Variants in SH3KBP1 observed in about 807,000 individuals in gnomAD.
SH3KBP1 encodes the protein SH3 domain-containing kinase-binding protein 1.
In SH3KBP1, 8 loss-of-function variants were observed where a neutral mutation model predicts 50.1. The observed-to-expected ratio is 0.16, with a 90% CI of 0.09 to 0.29. The LOEUF (loss-of-function observed/expected upper bound fraction) is 0.29, where lower values mean the gene tolerates loss of function less well. SH3KBP1 is among the 10% of genes least tolerant of loss of function. SH3KBP1 has a pLI of 1.00. For synonymous variants in SH3KBP1, 227 were observed against 218.6 expected, an observed-to-expected ratio of 1.04 and a Z score of -0.34; for missense variants, 377 against 535.2, an observed-to-expected ratio of 0.70 and a Z score of 2.92.
intron 11 of SH3KBP1, 104 bp from the exon 12 acceptor site, chrX:19,588,906 T>G (rs2066653783): frequency 1.4e-6 from 1 of 724,958 alleles, no homozygotes; most frequent in Non-Finnish European, 1.9e-6. Context: ...TTACTGATGC[T>G]ATTTCTGAAG....
intron 1 of SH3KBP1, among the ~76,000 whole-genome samples, chrX:19,845,926 T>C (rs1214182608): frequency 1.8e-5 from 2 of 111,949 alleles, no homozygotes; most frequent in East Asian, 5.7e-4. Context: ...TCTTATTTAG[T>C]TTTTAGAGCC....
intron 6 of SH3KBP1, among the ~76,000 whole-genome samples, chrX:19,668,935 A>AATATATATATATATATATATAT (rs56844238): frequency 2.7e-4 from 9 of 32,870 alleles, no homozygotes; most frequent in Non-Finnish European, 4.3e-4. Context: ...GATTGAGGGT[A>AATATATATATATATATATATAT]ATATATATAT....
chrX:19,784,003 T>C (rs1230882282), intron 2 of SH3KBP1, among the ~76,000 whole-genome samples: 3 of 112,153 alleles, frequency 2.7e-5, no homozygotes, highest in Admixed American at 9.5e-5. Flanking sequence ...CAGGCCATTA[T>C]GTTCCTCAAA....
chrX:19,800,094 A>G (rs1177256392), intron 2 of SH3KBP1, among the ~76,000 whole-genome samples: 2 of 111,515 alleles, frequency 1.8e-5, no homozygotes, highest in East Asian at 5.6e-4. Context: ...CCTCCAGAAG[A>G]GGACATGCAC....
At chrX:19,829,736 A>G (rs1247780960) in intron 2 of SH3KBP1, among the ~76,000 whole-genome samples, 1 of 105,708 alleles carries the variant, frequency 9.5e-6, no homozygotes, top group Non-Finnish European at 1.9e-5. Context: ...AAAAAAAAAA[A>G]GAAGAAGAAG....
At chrX:19,787,630 G>A (rs1031442547) in intron 2 of SH3KBP1, among the ~76,000 whole-genome samples, 1 of 111,990 alleles carries the variant, frequency 8.9e-6, no homozygotes, top group Non-Finnish European at 1.9e-5. Context: ...TAGCATCTGT[G>A]ATGGGGACAC....
At chrX:19,700,959 G>A (rs2063524480) in intron 4 of SH3KBP1, among the ~76,000 whole-genome samples, 1 of 112,050 alleles carries the variant, frequency 8.9e-6, no homozygotes, top group African/African-American at 3.2e-5. Flanking sequence ...CCCTCGAAGA[G>A]AAATCTGTAG....
chrX:19,777,113 T>TA (rs912753628), intron 2 of SH3KBP1, among the ~76,000 whole-genome samples: 12 of 111,225 alleles, frequency 1.1e-4, no homozygotes, highest in African/African-American at 3.9e-4. Context: ...CCTTTGAGGA[T>TA]AAAAAAGGTA....
intron 1 of SH3KBP1, among the ~76,000 whole-genome samples, chrX:19,856,649 C>A (rs1488321501): frequency 6.3e-5 from 7 of 110,910 alleles, no homozygotes; most frequent in African/African-American, 2.3e-4. Context: ...CTTCATTCTC[C>A]CCAACTTCCC....
chrX:19,844,064 T>G (rs970009064), intron 1 of SH3KBP1, among the ~76,000 whole-genome samples: 1 of 111,510 alleles, frequency 9.0e-6, no homozygotes, highest in Non-Finnish European at 1.9e-5. Flanking sequence ...GAGCCCACTT[T>G]CTTTGTGTTT....
In SH3KBP1 at chrX:19,887,355, C is replaced by A; in HGVS notation, c.-45G>T. 1 of 959,863 alleles carries A rather than the reference C, an allele frequency of 1.0e-6. No individual in the cohort carries two copies. Among genetic ancestry groups the A allele is most frequent in the Non-Finnish European group, 1.3e-6 (1 of 764,347 alleles). 79.1% of individuals were successfully genotyped at this position (959,863 alleles called of 1,213,427 possible). A position where few individuals can be genotyped will look rare whatever the true frequency, so the allele number is the denominator to read the frequency against. On this transcript the variant is annotated 5_prime_UTR_variant, in exon 1 of 18. Coordinates refer to ENST00000397821, the MANE Select transcript of SH3KBP1 (RefSeq NM_031892.3). ...GCCGCCGAGGCAGCGTGAAAGTTGGCGGAGGCGGGCGTGGGGGTTGGGGCG... is the reference window on the plus strand; with the variant it reads ...GCCGCCGAGGCAGCGTGAAAGTTGGAGGAGGCGGGCGTGGGGGTTGGGGCG...
intron 3 of SH3KBP1, among the ~76,000 whole-genome samples, chrX:19,718,933 C>T (rs1355918573): frequency 9.0e-6 from 1 of 111,677 alleles, no homozygotes; most frequent in Admixed American, 9.5e-5. Context: ...CACCACCAGC[C>T]TACACAGCCC....
intron 13 of SH3KBP1, among the ~76,000 whole-genome samples, chrX:19,553,042 G>A (rs780232125): frequency 9.0e-6 from 1 of 111,692 alleles, no homozygotes; most frequent in Non-Finnish European, 1.9e-5. Context: ...TGGAGCACTT[G>A]ACGAAAATGG....
chrX:19,672,096 C>T lies in SH3KBP1; in HGVS notation c.726+11727G>A, dbSNP rs952661731. Among the ~76,000 whole-genome samples, 3 of 112,283 alleles carry T rather than the reference C, an allele frequency of 2.7e-5. No homozygotes were observed. The Admixed American group carries it at 2.8e-4, about 11-fold the overall frequency. On this transcript the variant is annotated intron_variant, in intron 6 of 17. Transcript: ENST00000397821. ...CTCCTTGGGTAAATAAGACATAAAT[C>T]TGTTTACTTATCACACACACACACA... is the stretch of plus-strand genomic sequence containing the variant.
intron 1 of SH3KBP1, among the ~76,000 whole-genome samples, chrX:19,883,058 C>T (rs769483765): frequency 8.9e-6 from 1 of 112,274 alleles, no homozygotes; most frequent in South Asian, 3.7e-4. Flanking sequence ...CAGTGAACCA[C>T]GAGCTCCGGA....
chrX:19,781,550 C>G (rs770781618), intron 2 of SH3KBP1, among the ~76,000 whole-genome samples: 2 of 106,419 alleles, frequency 1.9e-5, no homozygotes, highest in African/African-American at 6.9e-5. Flanking sequence ...CCCAGGAGGT[C>G]GAGACTGCAG....
chrX:19,844,343 T>C (rs2068305940), intron 1 of SH3KBP1, among the ~76,000 whole-genome samples: 1 of 111,350 alleles, frequency 9.0e-6, no homozygotes, highest in African/African-American at 3.3e-5. Flanking sequence ...ACACCAGGAG[T>C]GTCCTTACAA....
chrX:19,563,623 G>A (rs2065748307), intron 13 of SH3KBP1, among the ~76,000 whole-genome samples: 1 of 112,225 alleles, frequency 8.9e-6, no homozygotes, highest in Non-Finnish European at 1.9e-5. Flanking sequence ...GTGCTTTTCA[G>A]CTACTCCTGA....
chrX:19,812,749 C>T (rs772413039), intron 2 of SH3KBP1, among the ~76,000 whole-genome samples: 2 of 109,676 alleles, frequency 1.8e-5, no homozygotes, highest in Admixed American at 9.7e-5. Flanking sequence ...ACAAGGTGGG[C>T]GGATCACCTG....
Sources: gnomAD v4.1 joint callset for allele counts (sites outside exome capture counted in the v4.1 genomes callset) on GRCh38, gnomAD v4.1.1 for gene constraint, MANE v1.5 for transcripts, NCBI Gene and HGNC (gene_info 2026-07-23, HGNC 2026-07-21) for gene names.